Variants in SNED1 observed in about 807,000 individuals in gnomAD.
SNED1 encodes the protein sushi, nidogen and EGF-like domain-containing protein 1.
A neutral mutation model predicts 166.7 loss-of-function variants in SNED1; 81 were observed. That is an observed-to-expected ratio of 0.49 (90% CI 0.41 to 0.58). SNED1 has a LOEUF of 0.58. Ranked by LOEUF, SNED1 falls within the 20% of genes least tolerant of loss-of-function variation. The pLI, the probability that SNED1 is intolerant of heterozygous loss-of-function variation, is 0.00. For synonymous variants in SNED1, 762 were observed against 822.0 expected, an observed-to-expected ratio of 0.93 and a Z score of 1.25; for missense variants, 1,604 against 2,000.2, an observed-to-expected ratio of 0.80 and a Z score of 3.78.
chr2:241,062,133 T>C (rs973096990), intron 16 of SNED1, among the ~76,000 whole-genome samples: 8 of 152,202 alleles, frequency 5.3e-5, no homozygotes, highest in Non-Finnish European at 8.8e-5. Context: ...TTTAAGCTAA[T>C]TTTAATTACA....
At chr2:241,015,019 G>A (rs915818720) in intron 1 of SNED1, among the ~76,000 whole-genome samples, 7 of 152,184 alleles carry the variant, frequency 4.6e-5, no homozygotes, top group African/African-American at 9.7e-5. Context: ...GTGGCCTGAC[G>A]AGAAAGGCTG....
rs574197947 is a variant in SNED1 at position 241,073,074 on chromosome 2, G to A, written c.3818-192G>A. 14 of 576,040 alleles carry A rather than the reference G, an allele frequency of 2.4e-5. No individual in the cohort carries two copies. The East Asian group carries it at 3.7e-4, about 15-fold the overall frequency. The allele number at this position is 576,040 out of a possible 1,614,324, so 35.7% of individuals were successfully genotyped here. On this transcript the variant is annotated intron_variant, in intron 26 of 31. Transcript: ENST00000310397. The surrounding 1 kb of genome is among the most constrained non-coding windows in gnomAD (Gnocchi z 6.6). The stretch of plus-strand genomic sequence containing the variant: ...AAGGCCGAGCCCCTCCAGAGGGTCA[G>A]CAGGAGGGTGAGGCCAGCCCTTCAG...
chr2:241,050,345 G>A (rs994153778), intron 12 of SNED1, among the ~76,000 whole-genome samples: 4 of 152,180 alleles, frequency 2.6e-5, no homozygotes, highest in African/African-American at 9.7e-5. Context: ...CACTGCAGGC[G>A]TAGCTATCCC....
At chr2:241,063,965 C>A in intron 18 of SNED1, 47 bp from the exon 19 acceptor site, 1 of 1,381,660 alleles carries the variant, frequency 7.2e-7, no homozygotes, top group Non-Finnish European at 1.0e-6. Flanking sequence ...CTCCCTCCCC[C>A]AGACTCCCCC....
At chr2:241,031,511 G>C (rs865888769) in intron 2 of SNED1, among the ~76,000 whole-genome samples, 1 of 152,208 alleles carries the variant, frequency 6.6e-6, no homozygotes, top group African/African-American at 2.4e-5. Flanking sequence ...CAGACAAGAC[G>C]CATCTGCCCC....
At chr2:241,002,181 T>C (rs550573747) in intron 1 of SNED1, among the ~76,000 whole-genome samples, 2 of 152,252 alleles carry the variant, frequency 1.3e-5, no homozygotes, top group Non-Finnish European at 2.9e-5. Context: ...AGGTCATACC[T>C]GTGACACACC....
chr2:241,021,938 T>C, intron 1 of SNED1, among the ~76,000 whole-genome samples: 1 of 148,106 alleles, frequency 6.8e-6, no homozygotes, highest in East Asian at 1.9e-4. Flanking sequence ...TATTATCTAC[T>C]TTTTTCATTA....
At chr2:241,086,334 G>C (rs1157196775) in intron 29 of SNED1, among the ~76,000 whole-genome samples, 1 of 149,048 alleles carries the variant, frequency 6.7e-6, no homozygotes, top group Non-Finnish European at 1.5e-5. Flanking sequence ...AGATTCTGGA[G>C]TTCCTCCTCT....
At chr2:241,009,687 G>T (rs749642443) in intron 1 of SNED1, among the ~76,000 whole-genome samples, 5 of 152,160 alleles carry the variant, frequency 3.3e-5, no homozygotes, top group South Asian at 4.1e-4. Context: ...CTGTCCGGGG[G>T]CGCTGAATGC....
intron 27 of SNED1, among the ~76,000 whole-genome samples, chr2:241,079,042 A>G (rs1199640508): frequency 7.0e-6 from 1 of 143,600 alleles, no homozygotes; most frequent in Non-Finnish European, 1.5e-5. Flanking sequence ...TGAACCCAGG[A>G]GGCGGAGGCT....
intron 8 of SNED1, among the ~76,000 whole-genome samples, chr2:241,047,146 C>CAAAAAAAA (rs59981303): frequency 1.5e-5 from 1 of 68,134 alleles, no homozygotes; most frequent in African/African-American, 4.6e-5. Context: ...GAGACTCTGT[C>CAAAAAAAA]AAAAAAAAAA....
Position 241,070,066 on chromosome 2 carries a change from C to T in SNED1, c.3454C>T (p.Pro1152Ser). The T allele has an allele frequency of 6.2e-7, 1 of 1,613,096 alleles. No individual in the cohort carries two copies. Among genetic ancestry groups the T allele is most frequent in the Non-Finnish European group, 8.5e-7 (1 of 1,179,878 alleles). The change falls in exon 24 of 32, where the codon CCC (proline) becomes TCC (serine). Residue 1152 changes from proline to serine, a missense_variant. This residue lies in a region of SNED1 where 367 missense variants were observed against 379.4 expected (regional missense o/e 0.97). Transcript: ENST00000310397. The part of the protein sequence containing the change: ...TSQSTKSRYV[P>S]NGKLASYTVR... ...CCAGAGCACCAAGAGCCGCTATGTC[C>T]CCAACGGGAAGCTGGCGTCCTACAC...
chr2:241,076,787 G>A (rs577359661), intron 27 of SNED1, among the ~76,000 whole-genome samples: 18 of 151,796 alleles, frequency 1.2e-4, no homozygotes, highest in African/African-American at 2.2e-4. Context: ...CCTGTAATCC[G>A]TGGAAAAGAA....
Position 241,070,180 on chromosome 2 carries a change from G to A in SNED1, c.3568G>A (p.Ala1190Thr), listed in dbSNP as rs200406338. Residue 1190 changes from alanine (A) to threonine (T), a missense_variant, in exon 24 of 32, where the codon GCC becomes ACC. Ala to Thr is a moderately conservative substitution (Grantham distance 58, BLOSUM62 0). Coordinates refer to ENST00000310397, the MANE Select transcript of SNED1 (RefSeq NM_001080437.3). ...GCTCGGGCCGCAGCACAGCGAGCCC[G>A]CCCACCTCTACATCATCACCTGTGA... ...TELGPQHSEP[A>T]HLYIITSPRD... 8 of 1,583,028 alleles carry A rather than the reference G, an allele frequency of 5.1e-6. No homozygotes were observed. The highest frequency in any genetic ancestry group is 1.8e-5 in the Admixed American group (1 of 55,928).
In SNED1 at chr2:241,040,100, G is replaced by A; in HGVS notation, c.1071G>A (p.Glu357=). The A allele has an allele frequency of 6.3e-7, 1 of 1,594,316 alleles. No homozygotes were observed. Among genetic ancestry groups the A allele is most frequent in the African/African-American group, 1.3e-5 (1 of 74,644 alleles). ...CCCAATCCCCCTGTGACACCAAAGA[G>A]TGTCAACATGGTGGCCAGTGCCAGG... ...ETAQSPCDTK[E]CQHGGQCQVE... is the part of the protein sequence containing the mutation. The change falls in exon 7 of 32, where the codon GAG becomes GAA. Residue 357 remains glutamate (E), a synonymous_variant. Transcript: ENST00000310397.
intron 1 of SNED1, among the ~76,000 whole-genome samples, chr2:241,016,850 C>CTT (rs5839783): frequency 0.024 from 3,047 of 125,768 alleles, 61 homozygotes; most frequent in Non-Finnish European, 0.036. Flanking sequence ...TTCTTTCTTT[C>CTT]TTTTTTTTTT....
At chr2:241,016,844 TTC>T (rs2060608654) in intron 1 of SNED1, among the ~76,000 whole-genome samples, 1 of 147,076 alleles carries the variant, frequency 6.8e-6, no homozygotes, top group South Asian at 2.1e-4. Context: ...GCATTTTTCT[TTC>T]TTTCTTTTTT....
At chr2:241,053,359 G>A (rs769266046) in intron 16 of SNED1, 33 bp downstream of exon 16, 1 of 1,533,878 alleles carries the variant, frequency 6.5e-7, no homozygotes, top group Non-Finnish European at 8.8e-7. Context: ...TGGGGCAGGT[G>A]GGGCCCACAC....
chr2:241,088,937 G>A (rs926971268), intron 31 of SNED1: 3 of 215,522 alleles, frequency 1.4e-5, no homozygotes, highest in South Asian at 2.1e-4. Flanking sequence ...GTTGAAGACC[G>A]CCGCTAGAAA....
Sources: allele counts gnomAD v4.1 joint callset (sites outside exome capture counted in the v4.1 genomes callset), GRCh38; gene constraint gnomAD v4.1.1; regional missense constraint gnomAD v4.1.1; non-coding constraint Gnocchi (gnomAD v3.1); transcripts MANE v1.5; gene names NCBI Gene and HGNC (gene_info 2026-07-23, HGNC 2026-07-21).